Variants in TBCK observed in about 807,000 individuals in gnomAD.
TBCK encodes the protein TBC domain-containing protein kinase-like protein.
Under a neutral mutation model 113.4 loss-of-function variants are expected in TBCK, and 99 were observed. The observed-to-expected ratio is 0.87, with a 90% CI of 0.74 to 1.03. TBCK has a LOEUF of 1.03. Among genes scored for constraint, TBCK ranks in the 50% least tolerant of loss-of-function variants. TBCK has a pLI of 0.00. For missense variants in TBCK, 1,045 were observed against 1,061.3 expected (o/e 0.98, Z 0.21); for synonymous variants, 369 against 370.8 (o/e 1.00, Z 0.05).
In TBCK at chr4:106,288,770, C is replaced by A. The variant is rs141317720; in HGVS notation, c.266+6324G>T. 1.8e-3 allele frequency among the ~76,000 whole-genome samples: 268 copies of A among 152,292 alleles called. 6 individuals are homozygous for A. In the East Asian group the frequency reaches 0.048, roughly 27 times the overall value. ...CATCCCTAATCTGAAAATCTGCAAT[C>A]CAAAATGTTCCAAAATCCAAAATTT... On this transcript the variant is annotated intron_variant, in intron 3 of 25. Coordinates refer to ENST00000394708, the MANE Select transcript of TBCK (RefSeq NM_001163435.3).
chr4:106,083,816 C>A (rs532526589), intron 25 of TBCK, among the ~76,000 whole-genome samples: 26 of 152,228 alleles, frequency 1.7e-4, no homozygotes, highest in African/African-American at 6.0e-4. Context: ...GGAAGTGAAC[C>A]CCCAGGAAAC....
At chr4:106,255,717 G>C (rs1761917737) in intron 5 of TBCK, among the ~76,000 whole-genome samples, 1 of 152,206 alleles carries the variant, frequency 6.6e-6, no homozygotes, top group Non-Finnish European at 1.5e-5. Context: ...TGGCAAGCAA[G>C]GGGTTGTTTC....
rs569670879 is a variant in TBCK, at chr4:106,096,457, A to G, written c.2412-816T>C. On this transcript the variant is annotated intron_variant, in intron 24 of 25. Transcript: ENST00000394708. ...GTTGCCAGAGAGTGTTTCCATATTTATCAAACAACCTTTTCAACTATGAAC... is the reference window on the plus strand; with the variant it reads ...GTTGCCAGAGAGTGTTTCCATATTTGTCAAACAACCTTTTCAACTATGAAC... Among the ~76,000 whole-genome samples the G allele has an allele frequency of 5.9e-5, 9 of 152,324 alleles. No homozygotes were observed. In the South Asian group the frequency reaches 1.9e-3, roughly 32 times the overall value.
intron 25 of TBCK, among the ~76,000 whole-genome samples, chr4:106,050,763 C>T (rs1351136130): frequency 6.6e-6 from 1 of 151,980 alleles, no homozygotes; most frequent in Non-Finnish European, 1.5e-5. Context: ...TAGCAACATC[C>T]CACGTGAGGG....
At chr4:106,070,052 G>A (rs1737188940) in intron 25 of TBCK, among the ~76,000 whole-genome samples, 1 of 151,974 alleles carries the variant, frequency 6.6e-6, no homozygotes, top group Non-Finnish European at 1.5e-5. Context: ...TGAGACGATG[G>A]GGTTTTCTAA....
chr4:106,248,162 T>G, intron 9 of TBCK, 83 bp downstream of exon 9: 2 of 830,410 alleles, frequency 2.4e-6, no homozygotes, highest in Non-Finnish European at 3.8e-6. Context: ...TTATCTTTAA[T>G]CCATTATATT....
chr4:106,129,045 T>C (rs1745556948), intron 23 of TBCK, among the ~76,000 whole-genome samples: 1 of 152,222 alleles, frequency 6.6e-6, no homozygotes. Flanking sequence ...TTCTTTATTA[T>C]TTAGAATATA....
intron 25 of TBCK, among the ~76,000 whole-genome samples, chr4:106,072,865 C>T (rs375820303): frequency 1.4e-4 from 21 of 152,246 alleles, no homozygotes; most frequent in Admixed American, 3.3e-4. Context: ...ATCACTGATA[C>T]GCTTCTTTCC....
chr4:106,315,837 G>T, intron 1 of TBCK, 94 bp downstream of exon 1: 1 of 152,632 alleles, frequency 6.6e-6, no homozygotes, highest in Non-Finnish European at 1.5e-5. Flanking sequence ...CTATTCTGAA[G>T]ACATGCGGGG....
At chr4:106,222,846 C>G (rs934634676) in intron 19 of TBCK, among the ~76,000 whole-genome samples, 1 of 151,794 alleles carries the variant, frequency 6.6e-6, no homozygotes, top group African/African-American at 2.4e-5. Flanking sequence ...AAAACAAGCA[C>G]CAACTTTTAT....
chr4:106,205,957 A>T (rs1465131687), intron 20 of TBCK, among the ~76,000 whole-genome samples: 1 of 152,126 alleles, frequency 6.6e-6, no homozygotes, highest in Non-Finnish European at 1.5e-5. Flanking sequence ...TTGGGGAAAA[A>T]TGTAACTATT....
At chr4:106,163,923 C>G (rs1750083829) in intron 23 of TBCK, among the ~76,000 whole-genome samples, 1 of 152,052 alleles carries the variant, frequency 6.6e-6, no homozygotes. Flanking sequence ...TCCAGGAAAT[C>G]AAGGTCTTTT....
chr4:106,257,104 A>G (rs1243175881), intron 5 of TBCK, among the ~76,000 whole-genome samples: 2 of 152,304 alleles, frequency 1.3e-5, no homozygotes, highest in African/African-American at 4.8e-5. Context: ...CAATTTAAGA[A>G]GCAGGTAGTA....
chr4:106,199,046 C>A (rs993145794), intron 20 of TBCK, among the ~76,000 whole-genome samples: 9 of 152,110 alleles, frequency 5.9e-5, no homozygotes, highest in Non-Finnish European at 1.3e-4. Flanking sequence ...AGGTGATAGG[C>A]TATAGCAGTG....
At chr4:106,240,381 AT>A (rs11339983) in intron 12 of TBCK, among the ~76,000 whole-genome samples, 146,376 of 151,892 alleles carry the variant, frequency 0.96, 70,827 homozygotes, top group Middle Eastern at 1. Context: ...GTAGATAAGA[AT>A]TTGGAAATGA....
chr4:106,119,498 A>G (rs1437261196), intron 23 of TBCK, among the ~76,000 whole-genome samples: 1 of 152,198 alleles, frequency 6.6e-6, no homozygotes, highest in Admixed American at 6.5e-5. Flanking sequence ...CTCTTACTAT[A>G]TGCAAAAATC....
intron 25 of TBCK, among the ~76,000 whole-genome samples, chr4:106,055,551 TACAC>T (rs3056715): frequency 0.4 from 60,196 of 149,182 alleles, 12,393 homozygotes; most frequent in East Asian, 0.62. Context: ...AGTTCAATTA[TACAC>T]ACACACACAC....
At chr4:106,145,436 A>G (rs909532790) in intron 23 of TBCK, among the ~76,000 whole-genome samples, 1 of 152,248 alleles carries the variant, frequency 6.6e-6, no homozygotes, top group Admixed American at 6.5e-5. Flanking sequence ...GTTTATACTC[A>G]TGCTCACACA....
chr4:106,245,847 T>C (rs532200948), intron 10 of TBCK, among the ~76,000 whole-genome samples: 1 of 152,144 alleles, frequency 6.6e-6, no homozygotes, highest in African/African-American at 2.4e-5. Context: ...AAATTTGTTT[T>C]TTCCCTATAA....
Sources: gnomAD v4.1 joint callset for allele counts (sites outside exome capture counted in the v4.1 genomes callset) on GRCh38, gnomAD v4.1.1 for gene constraint, MANE v1.5 for transcripts, NCBI Gene and HGNC (gene_info 2026-07-23, HGNC 2026-07-21) for gene names.